Variants in CFAP46 observed in about 807,000 individuals in gnomAD.
The protein encoded by CFAP46 is cilia- and flagella-associated protein 46.
Under a neutral mutation model 325.7 loss-of-function variants are expected in CFAP46, and 245 were observed. That is an observed-to-expected ratio of 0.75 (90% CI 0.68 to 0.84). The LOEUF is 0.84. CFAP46 is among the 40% of genes least tolerant of loss of function. The pLI is 0.00. For missense variants in CFAP46, 3,346 were observed against 3,543.0 expected, an observed-to-expected ratio of 0.94 and a Z score of 1.41; for synonymous variants, 1,523 against 1,495.9, an observed-to-expected ratio of 1.02 and a Z score of -0.42.
At chr10:132,903,280 A>C (rs954638499) in intron 22 of CFAP46, among the ~76,000 whole-genome samples, 11 of 152,212 alleles carry the variant, frequency 7.2e-5, no homozygotes, top group African/African-American at 2.7e-4. Flanking sequence ...GTTTTCTGCC[A>C]GGCCTGGAAT....
At chr10:132,933,070 T>C (rs779761020) in intron 8 of CFAP46, among the ~76,000 whole-genome samples, 2 of 152,228 alleles carry the variant, frequency 1.3e-5, no homozygotes, top group Non-Finnish European at 2.9e-5. Context: ...GGGAACACAA[T>C]TGGCGGCTGC....
In CFAP46 at chr10:132,885,376, T is replaced by A; in HGVS notation, c.3444-90A>T. The A allele has an allele frequency of 1.9e-5, 24 of 1,256,452 alleles. No individual in the cohort carries two copies. In the South Asian group the frequency reaches 3.3e-4, roughly 17 times the overall value. 77.8% of individuals were successfully genotyped at this position (1,256,452 alleles called of 1,614,324 possible). A position where few individuals can be genotyped will look rare whatever the true frequency, so the allele number is the denominator to read the frequency against. On this transcript the variant is annotated intron_variant, in intron 26 of 57. Transcript: ENST00000368586. ...TGCAGCCCGGACTTATTCCTCCACC[T>A]CCAGCTTAAAAAGACGAAGCAAAGC...
At chr10:132,908,114 A>G (rs568136453) in intron 22 of CFAP46, among the ~76,000 whole-genome samples, 1 of 152,230 alleles carries the variant, frequency 6.6e-6, no homozygotes, top group East Asian at 1.9e-4. Context: ...CCAGCTTTCC[A>G]CGGGGCCACT....
Position 132,808,653 on chromosome 10 carries a change from A to C in CFAP46, c.7916T>G (p.Leu2639Arg), listed in dbSNP as rs1238170998. The C allele has an allele frequency of 6.3e-7, 1 of 1,595,164 alleles. No homozygotes were observed. The highest frequency in any genetic ancestry group is 1.8e-5 in the Admixed American group (1 of 56,524). ...SSQLALPFLG[L>R]SPALGAASAR... is the part of the protein sequence containing the mutation. ...TGAGGCTGCACCAAGGGCTGGGGAG[A>C]GGCCCAGGAAGGGGAGAGCGAGCTG... The change falls in exon 58 of 58, where the codon CTC becomes CGC. Residue 2639 changes from leucine (L) to arginine (R), a missense_variant. Physicochemically the swap from Leu to Arg is moderately radical, Grantham distance 102. Transcript: ENST00000368586. This position sits in a 1 kb window ranked among gnomAD's most constrained non-coding sequence, Gnocchi z 6.8.
chr10:132,866,301 G>C, intron 34 of CFAP46, 130 bp from the exon 35 acceptor site: 5 of 1,021,074 alleles, frequency 4.9e-6, no homozygotes, highest in Non-Finnish European at 6.5e-6. Flanking sequence ...GCTCCCTGCT[G>C]GCCTAGGCAC....
rs1364819095 is a variant in CFAP46, at chr10:132,922,111, C to T, written c.1599G>A (p.Glu533=). The change falls in exon 13 of 58, where the codon GAG becomes GAA. Residue 533 remains glutamate, a synonymous_variant. Transcript: ENST00000368586. ...AFQIVLDSEN[E]AKVSTGKNRG... is the part of the protein sequence containing the mutation. ...GCCCAGTGCAGAGCTCACCTTTGGC[C>T]TCATTCTCACTGTCCAGCACAATCT... 1 of 1,550,098 alleles carries T rather than the reference C, an allele frequency of 6.5e-7. No homozygotes were observed. The highest frequency in any genetic ancestry group is 2.0e-5 in the Admixed American group (1 of 50,982).
At chr10:132,872,227 G>T (rs907330178) in intron 32 of CFAP46, among the ~76,000 whole-genome samples, 28 of 152,158 alleles carry the variant, frequency 1.8e-4, no homozygotes, top group Non-Finnish European at 3.5e-4. Context: ...GGATCAGGTA[G>T]AAATTTTAAA....
rs115217552 is a variant in CFAP46, at chr10:132,929,018, C to T, written c.966+687G>A. On this transcript the variant is annotated intron_variant, in intron 9 of 57. Transcript: ENST00000368586. ...TTAGGCACAAAATGTTCACTGCAGC[C>T]CTTTATGTAATAAGCAAAAAATTAT... is the stretch of plus-strand genomic sequence containing the variant. Among the ~76,000 whole-genome samples, 1,490 of 152,202 alleles carry T rather than the reference C, an allele frequency of 9.8e-3. 24 individuals carry two copies. The highest frequency in any genetic ancestry group is 0.034 in the African/African-American group (1,426 of 41,516).
Position 132,836,848 on chromosome 10 carries a change from A to C in CFAP46, c.6505T>G (p.Trp2169Gly), listed in dbSNP as rs1419187365. Residue 2169 changes from tryptophan (W) to glycine (G), a missense_variant, in exon 45 of 58, where the codon TGG becomes GGG. Trp to Gly is a radical substitution (Grantham distance 184). Transcript: ENST00000368586. ...CCTGAGAGGTGCAGAAAGAGGATCC[A>C]AAAGGTCGGAGGCATCTCATTCAAG... ...NLLNEMPPTFWILFLHLSGDR... is the reference protein window; with the variant it reads ...NLLNEMPPTFGILFLHLSGDR... The C allele has an allele frequency of 1.2e-6, 2 of 1,613,732 alleles. No individual in the cohort carries two copies. Among genetic ancestry groups the C allele is most frequent in the Admixed American group, 3.3e-5 (2 of 60,006 alleles).
intron 27 of CFAP46, among the ~76,000 whole-genome samples, chr10:132,882,310 G>A (rs1288203926): frequency 4.0e-5 from 6 of 151,280 alleles, no homozygotes; most frequent in South Asian, 2.1e-4. Flanking sequence ...GGTTACAGGT[G>A]TGAAGGTGTG....
At chr10:132,937,992 C>A (rs1850035646) in intron 5 of CFAP46, among the ~76,000 whole-genome samples, 1 of 152,254 alleles carries the variant, frequency 6.6e-6, no homozygotes, top group African/African-American at 2.4e-5. Flanking sequence ...GGGAGCTGCT[C>A]TGGAGTTGGC....
At position 132,876,531 on chromosome 10, in the gene CFAP46, T is replaced by C. The variant is rs1848959844; in HGVS notation, c.4362+281A>G. ...ACCATGAGGGGATCAATTTCTGTTG[T>C]TTTAACCATGCGGTTGTGGGAGCTT... On this transcript the variant is annotated intron_variant, in intron 31 of 57. Coordinates refer to ENST00000368586, the MANE Select transcript of CFAP46 (RefSeq NM_001200049.3). This position sits in a 1 kb window ranked among gnomAD's most constrained non-coding sequence, Gnocchi z 4.1. 6.6e-6 allele frequency among the ~76,000 whole-genome samples: 1 copy of C among 152,160 alleles called. No individual in the cohort carries two copies. The highest frequency in any genetic ancestry group is 2.4e-5 in the African/African-American group (1 of 41,448).
chr10:132,847,290 A>G lies in CFAP46; in HGVS notation c.5984T>C (p.Leu1995Pro). The G allele has an allele frequency of 6.2e-7, 1 of 1,613,518 alleles. No homozygotes were observed. The highest frequency in any genetic ancestry group is 8.5e-7 in the Non-Finnish European group (1 of 1,179,922). The change falls in exon 42 of 58, where the codon CTG (leucine) becomes CCG (proline). Residue 1995 changes from leucine (L) to proline (P), a missense_variant. By Grantham distance (98) the Leu-to-Pro change is moderately conservative (BLOSUM62 -3). Coordinates refer to ENST00000368586, the MANE Select transcript of CFAP46 (RefSeq NM_001200049.3). The surrounding 1 kb of genome is among the most constrained non-coding windows in gnomAD (Gnocchi z 5.2). ...ACCCTCTTCCTCTACCTCCAGCTCC[A>G]GAGACTTGAGGCCGCTCAGCTTGGC... ...VGAKLSGLKS[L>P]ELEVEEEGAT...
chr10:132,906,093 G>A (rs186421364), intron 22 of CFAP46, among the ~76,000 whole-genome samples: 268 of 152,348 alleles, frequency 1.8e-3, no homozygotes, highest in Admixed American at 6.1e-3. Flanking sequence ...AAAGCCCGTC[G>A]ATGTTGGCAA....
Position 132,920,178 on chromosome 10 carries a change from G to T in CFAP46, c.1611C>A (p.Ser537=). 6.5e-7 allele frequency: 1 copy of T among 1,535,134 alleles called. No individual in the cohort carries two copies. Among genetic ancestry groups the T allele is most frequent in the Non-Finnish European group, 8.8e-7 (1 of 1,140,982 alleles). The part of the protein sequence containing the change: ...VLDSENEAKV[S]TGKNRGRFTY... ...TGAACCGGCCCCTGTTCTTCCCGGTGGAGACTGAGGGCGGAAATGCAAAGG... is the reference window on the plus strand; with the variant it reads ...TGAACCGGCCCCTGTTCTTCCCGGTTGAGACTGAGGGCGGAAATGCAAAGG... Residue 537 remains serine (S), a synonymous_variant, in exon 14 of 58, where the codon TCC becomes TCA. Transcript: ENST00000368586.
At chr10:132,930,374 AG>A (rs1321745216) in intron 8 of CFAP46, among the ~76,000 whole-genome samples, 1 of 142,706 alleles carries the variant, frequency 7.0e-6, no homozygotes, top group East Asian at 2.2e-4. Context: ...CTCCCCATAC[AG>A]AGCCTGGGCC....
In CFAP46 at chr10:132,847,387, C is replaced by G; in HGVS notation, c.5953-66G>C. ...CTGCTTGGTCGGCGTGGGGAGGGCC[C>G]ACCCAGGGAGGCCGGGGTGGTCGGG... On this transcript the variant is annotated intron_variant, in intron 41 of 57. Transcript: ENST00000368586. The surrounding 1 kb of genome is among the most constrained non-coding windows in gnomAD (Gnocchi z 5.2). 1 of 1,593,328 alleles carries G rather than the reference C, an allele frequency of 6.3e-7. No homozygotes were observed.
At chr10:132,834,218 A>G (rs575560900) in intron 48 of CFAP46, 95 bp from the exon 49 acceptor site, 1 of 1,154,546 alleles carries the variant, frequency 8.7e-7, no homozygotes, top group African/African-American at 1.5e-5. Flanking sequence ...ACTCTAAGGC[A>G]GCAGCACCAC....
At chr10:132,878,965 G>T (rs1433268883) in intron 29 of CFAP46, among the ~76,000 whole-genome samples, 2 of 152,206 alleles carry the variant, frequency 1.3e-5, no homozygotes, top group East Asian at 3.9e-4. Context: ...AAGGAGGGGG[G>T]TGGGAGTGGG....
Sources: allele counts gnomAD v4.1 joint callset (sites outside exome capture counted in the v4.1 genomes callset), GRCh38; gene constraint gnomAD v4.1.1; non-coding constraint Gnocchi (gnomAD v3.1); transcripts MANE v1.5; gene names NCBI Gene and HGNC (gene_info 2026-07-23, HGNC 2026-07-21).